The following VBP1 variants were observed in gnomAD, a reference collection of about 807,000 sequenced individuals.
VBP1 encodes the protein prefoldin subunit 3.
VBP1 carries 4 observed loss-of-function variants against 15.5 expected under a neutral mutation model. The ratio of observed to expected loss-of-function variants is 0.26; its 90% confidence interval spans 0.13 to 0.59. VBP1 has a LOEUF of 0.59. Among genes scored for constraint, VBP1 ranks in the 20% least tolerant of loss-of-function variants. The pLI is 0.90. For synonymous variants in VBP1, 61 were observed against 52.1 expected (o/e 1.17, Z -0.74); for missense variants, 108 against 139.6 (o/e 0.77, Z 1.14).
chrX:155,235,867 A>T (rs1009998949), intron 4 of VBP1, among the ~76,000 whole-genome samples: 1 of 112,162 alleles, frequency 8.9e-6, no homozygotes, highest in African/African-American at 3.2e-5. Flanking sequence ...AGCTAAGGAA[A>T]CCTGAGCCTT....
intron 1 of VBP1, among the ~76,000 whole-genome samples, chrX:155,207,165 G>A (rs1434448959): frequency 9.0e-6 from 1 of 111,570 alleles, no homozygotes; most frequent in Admixed American, 9.5e-5. Context: ...TACGTAAAAA[G>A]CCAGGCTATT....
intron 4 of VBP1, 107 bp downstream of exon 4, chrX:155,228,589 C>A: frequency 1.6e-6 from 1 of 618,617 alleles, no homozygotes; most frequent in Non-Finnish European, 2.5e-6. Flanking sequence ...TAGTATTGCT[C>A]GAGATATGTA....
At chrX:155,200,479 G>A (rs1353180907) in intron 1 of VBP1, among the ~76,000 whole-genome samples, 1 of 111,234 alleles carries the variant, frequency 9.0e-6, no homozygotes, top group Non-Finnish European at 1.9e-5. Context: ...TCGACTACAT[G>A]GAAACTGAAC....
At chrX:155,235,142 G>A (rs1479179456) in intron 4 of VBP1, among the ~76,000 whole-genome samples, 1 of 109,915 alleles carries the variant, frequency 9.1e-6, no homozygotes, top group Non-Finnish European at 1.9e-5. Context: ...GTGTGTGTGT[G>A]TGTAGTATGT....
At chrX:155,214,315 T>C (rs782585037), upstream of VBP1, among the ~76,000 whole-genome samples, 1 of 112,655 alleles carries the variant, frequency 8.9e-6, no homozygotes, top group Non-Finnish European at 1.9e-5. Flanking sequence ...TCTAGGGAGA[T>C]ATGTATTTGG....
upstream of VBP1, among the ~76,000 whole-genome samples, chrX:155,215,184 A>G (rs2074658018): frequency 8.9e-6 from 1 of 111,992 alleles, no homozygotes. Context: ...TGTGTATCTG[A>G]TATCTCAATG....
At chrX:155,203,105 A>G (rs1557307695) in intron 1 of VBP1, among the ~76,000 whole-genome samples, 1 of 111,780 alleles carries the variant, frequency 8.9e-6, no homozygotes, top group Non-Finnish European at 1.9e-5. Context: ...AAAAGTCAGG[A>G]AACAACTGGT....
Position 155,228,372 on chromosome X carries a change from T to TG in VBP1, c.286-12_286-11insG, listed in dbSNP as rs1293502524. The TG allele has an allele frequency of 4.0e-4, 473 of 1,190,848 alleles. 2 individuals are homozygous for TG. The South Asian group carries it at 4.2e-3, about 11-fold the overall frequency. On this transcript the variant is annotated splice_polypyrimidine_tract_variant and intron_variant, in intron 3 of 5. Coordinates refer to ENST00000286428, the MANE Select transcript of VBP1 (RefSeq NM_003372.7). ...TGTTTATGGTACTGTCATTTTTTTT[T>TG]TTGTTTTGAAGGAGTCCACCAACTC...
At chrX:155,234,116 T>G (rs1179497363) in intron 4 of VBP1, among the ~76,000 whole-genome samples, 2 of 83,114 alleles carry the variant, frequency 2.4e-5, no homozygotes, top group South Asian at 7.2e-4. Flanking sequence ...TCTGTTTTTT[T>G]TTTTTTTTTT....
At chrX:155,208,760 T>C (rs1370582168) in intron 1 of VBP1, 1 of 415,900 alleles carries the variant, frequency 2.4e-6, no homozygotes, top group Admixed American at 4.7e-5. Context: ...GCTTATTAAA[T>C]ATTAATATAA....
At chrX:155,229,479 T>G (rs782225947) in intron 4 of VBP1, among the ~76,000 whole-genome samples, 1 of 112,232 alleles carries the variant, frequency 8.9e-6, no homozygotes, top group Non-Finnish European at 1.9e-5. Context: ...ATAATAAATA[T>G]GCATATGTTC....
intron 2 of VBP1, among the ~76,000 whole-genome samples, chrX:155,211,397 G>C (rs1203372320): frequency 8.9e-6 from 1 of 111,925 alleles, no homozygotes; most frequent in Admixed American, 9.5e-5. Flanking sequence ...AATAAATATT[G>C]ATCAACTTGA....
At chrX:155,207,302 G>C (rs1448764942) in intron 1 of VBP1, among the ~76,000 whole-genome samples, 1 of 111,754 alleles carries the variant, frequency 8.9e-6, no homozygotes, top group Non-Finnish European at 1.9e-5. Flanking sequence ...CCACTCCTCA[G>C]GCATGAATAA....
In VBP1 at chrX:155,220,224, T is replaced by C; in HGVS notation, c.135T>C (p.Thr45=). The C allele has an allele frequency of 4.2e-6, 5 of 1,200,117 alleles. No homozygotes were observed. Among genetic ancestry groups the C allele is most frequent in the Non-Finnish European group, 5.6e-6 (5 of 888,263 alleles). The change falls in exon 2 of 6, where the codon ACT becomes ACC. Residue 45 remains threonine, a synonymous_variant. Transcript: ENST00000286428. The stretch of plus-strand genomic sequence containing the variant: ...TCATGAAACAGCCTGGGAATGAGAC[T>C]GCAGATACAGTATTAAAGAAGCTGG... ...DSFMKQPGNE[T]ADTVLKKLDE... is the part of the protein sequence containing the mutation.
At chrX:155,209,906 T>C (rs2074638774) in intron 2 of VBP1, among the ~76,000 whole-genome samples, 1 of 111,756 alleles carries the variant, frequency 8.9e-6, no homozygotes, top group Non-Finnish European at 1.9e-5. Context: ...GCAGTCCAAG[T>C]AGAGGTCCCA....
chrX:155,238,783 G>T lies in VBP1; in HGVS notation c.535G>T (p.Val179Phe). The change falls in exon 6 of 6, where the codon GTT becomes TTT. Residue 179 changes from valine to phenylalanine, a missense_variant. Physicochemically the swap from Val to Phe is conservative, Grantham distance 50. Coordinates refer to ENST00000286428, the MANE Select transcript of VBP1 (RefSeq NM_003372.7). ...FTTTEVNMAR[V>F]YNWDVKRRNK... ...GACAATTCTTGCAGATATGGCCAGG[G>T]TTTATAATTGGGATGTAAAAAGAAG... 1 of 1,205,187 alleles carries T rather than the reference G, an allele frequency of 8.3e-7. No homozygotes were observed. The highest frequency in any genetic ancestry group is 3.0e-5 in the East Asian group (1 of 33,394).
intron 1 of VBP1, among the ~76,000 whole-genome samples, chrX:155,218,104 A>G (rs1302714414): frequency 5.4e-5 from 6 of 112,095 alleles, no homozygotes; most frequent in African/African-American, 1.9e-4. Context: ...TGAGGGCTTT[A>G]TAATGTCTTG....
exon 1 of VBP1, chrX:155,197,058 A>G (rs1361105252): frequency 7.1e-5 from 8 of 112,177 alleles, no homozygotes; most frequent in Non-Finnish European, 1.5e-4. Flanking sequence ...CATTTTTCAC[A>G]TTATTGTATA....
At chrX:155,230,436 G>A (rs1398739432) in intron 4 of VBP1, among the ~76,000 whole-genome samples, 1 of 111,425 alleles carries the variant, frequency 9.0e-6, no homozygotes, top group African/African-American at 3.3e-5. Flanking sequence ...AAACTTAAAT[G>A]TATCTTTTTT....
Sources: allele counts gnomAD v4.1 joint callset (sites outside exome capture counted in the v4.1 genomes callset), GRCh38; gene constraint gnomAD v4.1.1; transcripts MANE v1.5; gene names NCBI Gene and HGNC (gene_info 2026-07-23, HGNC 2026-07-21).